Variants in IKZF2 observed in about 807,000 individuals in gnomAD.
The protein encoded by IKZF2 is zinc finger protein Helios.
IKZF2 carries 15 observed loss-of-function variants against 49.2 expected under a neutral mutation model. That is an observed-to-expected ratio of 0.30 (90% CI 0.20 to 0.47). The LOEUF (loss-of-function observed/expected upper bound fraction) is 0.47, where lower values mean the gene tolerates loss of function less well. IKZF2 is among the 20% of genes least tolerant of loss of function. The probability of loss-of-function intolerance (pLI) is 1.00; values close to 1 mark genes in which losing one functional copy is unlikely to be tolerated. For synonymous variants in IKZF2, 227 were observed against 221.4 expected (o/e 1.03, Z -0.23); for missense variants, 567 against 664.6 (o/e 0.85, Z 1.61).
Position 213,007,593 on chromosome 2 carries a change from G to A in IKZF2, c.1348C>T (p.Pro450Ser), listed in dbSNP as rs1490792832. Reference sequence around the variant, plus strand: ...TAGATGTCCTTCAGAGAGCCCTTAGGAGCCTTGGTAGTATCCAAAGCTTTG... The same window carrying A: ...TAGATGTCCTTCAGAGAGCCCTTAGAAGCCTTGGTAGTATCCAAAGCTTTG... ...DVKALDTTKA[P>S]KGSLKDIYKV... Residue 450 changes from proline to serine, a missense_variant, in exon 9 of 9, where the codon CCT (proline) becomes TCT (serine). Pro to Ser is a moderately conservative substitution (Grantham distance 74, BLOSUM62 -1). Transcript: ENST00000434687. 1.9e-6 allele frequency: 3 copies of A among 1,613,660 alleles called. No individual in the cohort carries two copies.
At chr2:213,017,590 T>A (rs1411543562) in intron 7 of IKZF2, among the ~76,000 whole-genome samples, 2 of 152,122 alleles carry the variant, frequency 1.3e-5, no homozygotes, top group East Asian at 3.9e-4. Flanking sequence ...CTACCACATC[T>A]CTTTACAAAC....
At chr2:213,111,223 C>G (rs1338543341) in intron 4 of IKZF2, among the ~76,000 whole-genome samples, 1 of 151,958 alleles carries the variant, frequency 6.6e-6, no homozygotes, top group Non-Finnish European at 1.5e-5. Flanking sequence ...ACATTTTCTT[C>G]TATTACTTAT....
intron 4 of IKZF2, among the ~76,000 whole-genome samples, chr2:213,113,215 G>A (rs965494147): frequency 6.6e-6 from 1 of 152,102 alleles, no homozygotes; most frequent in African/African-American, 2.4e-5. Flanking sequence ...TACTTTATAT[G>A]GATGTCCCTT....
At chr2:213,056,264 C>T (rs972221731) in intron 5 of IKZF2, among the ~76,000 whole-genome samples, 4 of 152,124 alleles carry the variant, frequency 2.6e-5, no homozygotes, top group African/African-American at 9.7e-5. Flanking sequence ...TTGTCATATT[C>T]AATCCTACAT....
intron 4 of IKZF2, among the ~76,000 whole-genome samples, chr2:213,080,683 T>C (rs1052552776): frequency 3.3e-5 from 5 of 152,170 alleles, no homozygotes; most frequent in African/African-American, 7.2e-5. Context: ...GTGAATATTT[T>C]TAAAGGAACA....
intron 4 of IKZF2, among the ~76,000 whole-genome samples, chr2:213,109,739 T>A (rs2125761062): frequency 6.6e-6 from 1 of 152,142 alleles, no homozygotes; most frequent in Middle Eastern, 3.4e-3. Context: ...GGCAATACTA[T>A]ATTTCAAGAA....
intron 4 of IKZF2, among the ~76,000 whole-genome samples, chr2:213,092,916 C>T (rs536213413): frequency 1.3e-5 from 2 of 152,248 alleles, no homozygotes; most frequent in Admixed American, 6.5e-5. Flanking sequence ...AGGCGCTGGA[C>T]ATCTTGTGTA....
Position 213,007,587 on chromosome 2 carries a change from C to G in IKZF2, c.1354G>C (p.Gly452Arg). The G allele has an allele frequency of 6.2e-7, 1 of 1,613,660 alleles. No individual in the cohort carries two copies. The highest frequency in any genetic ancestry group is 1.1e-5 in the South Asian group (1 of 91,064). Residue 452 changes from glycine to arginine, a missense_variant, in exon 9 of 9, where the codon GGC becomes CGC. Gly to Arg is a moderately radical substitution (Grantham distance 125, BLOSUM62 -2). This residue lies in a region of IKZF2 where 310 missense variants were observed against 326.9 expected (regional missense o/e 0.95). Coordinates refer to ENST00000434687, the MANE Select transcript of IKZF2 (RefSeq NM_001387220.1). ...KALDTTKAPK[G>R]SLKDIYKVFN... ...ACCTTGTAGATGTCCTTCAGAGAGC[C>G]CTTAGGAGCCTTGGTAGTATCCAAA...
chr2:213,144,111 T>C (rs1228643180), intron 4 of IKZF2, among the ~76,000 whole-genome samples: 1 of 151,824 alleles, frequency 6.6e-6, no homozygotes, highest in Non-Finnish European at 1.5e-5. Context: ...AAGAAAAAAA[T>C]TAATGTGAAG....
chr2:213,067,718 T>C (rs536374372), intron 4 of IKZF2, among the ~76,000 whole-genome samples: 1 of 152,090 alleles, frequency 6.6e-6, no homozygotes, highest in Non-Finnish European at 1.5e-5. Context: ...GACAGATACA[T>C]TCCCTGCTTT....
In IKZF2 at chr2:213,147,934, C is replaced by G. The variant is rs566689647; in HGVS notation, c.35-122G>C. ...TCAAACTGTAAGGTAATACATTTTT[C>G]CCTTAGAAACTATAAGGAAATATCA... On this transcript the variant is annotated intron_variant, in intron 3 of 8. Coordinates refer to ENST00000434687, the MANE Select transcript of IKZF2 (RefSeq NM_001387220.1). 7.5e-6 allele frequency: 5 copies of G among 666,190 alleles called. No homozygotes were observed. In the African/African-American group the frequency reaches 9.0e-5, roughly 12 times the overall value. The allele number at this position is 666,190 out of a possible 1,614,324, so 41.3% of individuals were successfully genotyped here. A position where few individuals can be genotyped will look rare whatever the true frequency, so the allele number is the denominator to read the frequency against.
intron 7 of IKZF2, among the ~76,000 whole-genome samples, chr2:213,019,917 G>A (rs376274846): frequency 5.3e-5 from 8 of 152,122 alleles, no homozygotes; most frequent in African/African-American, 1.9e-4. Context: ...TTCTCTAAAA[G>A]TTCAATCTGC....
At chr2:213,031,179 ACATC>A (rs1559182955) in intron 6 of IKZF2, among the ~76,000 whole-genome samples, 1 of 152,176 alleles carries the variant, frequency 6.6e-6, no homozygotes, top group Non-Finnish European at 1.5e-5. Context: ...TTGAGCAAAG[ACATC>A]TAGTTCCTTT....
intron 8 of IKZF2, among the ~76,000 whole-genome samples, chr2:213,008,452 G>T (rs1377920955): frequency 1.3e-5 from 2 of 151,884 alleles, no homozygotes; most frequent in Non-Finnish European, 2.9e-5. Context: ...GGCTGGTCTA[G>T]AACTCCTGGC....
intron 4 of IKZF2, among the ~76,000 whole-genome samples, chr2:213,096,678 T>C (rs933215426): frequency 2.0e-5 from 3 of 151,992 alleles, no homozygotes; most frequent in Non-Finnish European, 2.9e-5. Flanking sequence ...TAAATCTGTC[T>C]GCATTTCTAA....
intron 6 of IKZF2, among the ~76,000 whole-genome samples, chr2:213,033,569 A>C (rs1698702416): frequency 6.6e-6 from 1 of 152,226 alleles, no homozygotes; most frequent in Non-Finnish European, 1.5e-5. Flanking sequence ...ATCTGCTTGT[A>C]CATCTCCATC....
At chr2:213,074,025 A>G (rs1702984442) in intron 4 of IKZF2, among the ~76,000 whole-genome samples, 1 of 152,230 alleles carries the variant, frequency 6.6e-6, no homozygotes, top group Admixed American at 6.5e-5. Flanking sequence ...TGTTGCAAAT[A>G]TCCAGAGCAC....
intron 6 of IKZF2, among the ~76,000 whole-genome samples, chr2:213,027,835 T>C (rs1419471048): frequency 6.6e-6 from 1 of 152,148 alleles, no homozygotes; most frequent in Non-Finnish European, 1.5e-5. Flanking sequence ...TTGTCCTTGA[T>C]GTTCTGAAAT....
chr2:213,106,639 G>T (rs1323614842), intron 4 of IKZF2, among the ~76,000 whole-genome samples: 1 of 116,486 alleles, frequency 8.6e-6, no homozygotes, highest in Non-Finnish European at 1.8e-5. Context: ...GGGAAACCCT[G>T]TCTAAAAAAA....
Sources: gnomAD v4.1 joint callset for allele counts (sites outside exome capture counted in the v4.1 genomes callset) on GRCh38, gnomAD v4.1.1 for gene constraint, gnomAD v4.1.1 regional missense constraint, MANE v1.5 for transcripts, NCBI Gene and HGNC (gene_info 2026-07-23, HGNC 2026-07-21) for gene names.